Variants in REEP1 observed in about 807,000 individuals in gnomAD.
The protein encoded by REEP1 is receptor accessory protein 1.
Under a neutral mutation model 40.3 loss-of-function variants are expected in REEP1, and 22 were observed. The observed-to-expected ratio is 0.55, with a 90% confidence interval of 0.39 to 0.78. The LOEUF is 0.78. REEP1 is among the 30% of genes least tolerant of loss of function. The probability of loss-of-function intolerance (pLI) is 0.00; values close to 1 mark genes in which losing one functional copy is unlikely to be tolerated. For missense variants in REEP1, 280 were observed against 361.1 expected (o/e 0.78, Z 1.82); for synonymous variants, 116 against 139.2 (o/e 0.83, Z 1.17).
chr2:86,330,932 G>A (rs188892836), intron 1 of REEP1, among the ~76,000 whole-genome samples: 42 of 152,184 alleles, frequency 2.8e-4, no homozygotes, highest in Non-Finnish European at 5.1e-4. Context: ...CAGTCCATCC[G>A]AACAACAAAT....
chr2:86,227,772 T>G (rs965385551), intron 6 of REEP1, among the ~76,000 whole-genome samples: 1 of 152,350 alleles, frequency 6.6e-6, no homozygotes, highest in South Asian at 2.1e-4. Flanking sequence ...GACTTACCTC[T>G]GAACCCCAAA....
Position 86,232,737 on chromosome 2 carries a change from T to C in REEP1, c.483A>G (p.Gly161=), listed in dbSNP as rs373854674. 418 of 1,608,094 alleles carry C rather than the reference T, an allele frequency of 2.6e-4. No homozygotes were observed. The highest frequency in any genetic ancestry group is 3.3e-4 in the Non-Finnish European group (384 of 1,179,968). Residue 161 remains glycine, a synonymous_variant, in exon 6 of 9, where the codon GGA becomes GGG. Transcript: ENST00000538924. ...GGCCCGAGGGAGCAGGGGCGCCGTC[T>C]CCCCTGATGGTGGTGAGGTCCTGCA... ...FSMQDLTTIR[G]DGAPAPSGPP...
Position 86,214,680 on chromosome 2 carries a change from T to C in REEP1, c.*2359A>G, listed in dbSNP as rs1290313738. 1 of 152,646 alleles carries C rather than the reference T, an allele frequency of 6.6e-6. No individual in the cohort carries two copies. The highest frequency in any genetic ancestry group is 1.5e-5 in the Non-Finnish European group (1 of 68,036). 9.5% of individuals were successfully genotyped at this position (152,646 alleles called of 1,614,324 possible). A position where few individuals can be genotyped will look rare whatever the true frequency, so the allele number is the denominator to read the frequency against. ...ATACGTAAACACATTTTGCCAGAAATATGACAGCTGCTTTCAGTTGTACAG... is the reference window on the plus strand; with the variant it reads ...ATACGTAAACACATTTTGCCAGAAACATGACAGCTGCTTTCAGTTGTACAG... On this transcript the variant is annotated 3_prime_UTR_variant, in exon 9 of 9. Transcript: ENST00000538924.
At chr2:86,300,269 C>T (rs76304351) in intron 1 of REEP1, among the ~76,000 whole-genome samples, 12,020 of 152,200 alleles carry the variant, frequency 0.079, 781 homozygotes, top group African/African-American at 0.17. Context: ...CTCTCTATTT[C>T]CCATCGACAG....
chr2:86,334,375 G>A (rs2104552112), intron 1 of REEP1, among the ~76,000 whole-genome samples: 1 of 152,260 alleles, frequency 6.6e-6, no homozygotes, highest in East Asian at 1.9e-4. Context: ...ACCATGAAAA[G>A]ATTACTTATA....
At chr2:86,321,923 C>A (rs1240674625) in intron 1 of REEP1, among the ~76,000 whole-genome samples, 2 of 152,062 alleles carry the variant, frequency 1.3e-5, no homozygotes, top group Non-Finnish European at 2.9e-5. Flanking sequence ...GGAATCCTAA[C>A]CAGGGTAAAA....
chr2:86,246,225 C>G (rs1274670712), intron 5 of REEP1, among the ~76,000 whole-genome samples: 2 of 152,164 alleles, frequency 1.3e-5, no homozygotes, highest in Non-Finnish European at 2.9e-5. Context: ...AATAACAAAG[C>G]ATTGTTCTGT....
chr2:86,337,967 A>C (rs1334752306), upstream of REEP1: 5 of 1,457,022 alleles, frequency 3.4e-6, no homozygotes, highest in Non-Finnish European at 4.7e-6. This position sits in a 1 kb window ranked among gnomAD's most constrained non-coding sequence, Gnocchi z 5.8. Flanking sequence ...GCACCTGTCT[A>C]GGTGGGATGC....
In REEP1 at chr2:86,215,042, T is replaced by TGATAA. The variant is rs1202897666; in HGVS notation, c.*1996_*1997insTTATC. The TGATAA allele has an allele frequency of 4.4e-4, 66 of 150,482 alleles. No homozygotes were observed. The highest frequency in any genetic ancestry group is 9.3e-4 in the Non-Finnish European group (63 of 67,650). 9.3% of individuals were successfully genotyped at this position (150,482 alleles called of 1,614,324 possible). ...TGTAAGCTTTTTTTTTTTTTTTTTT[T>TGATAA]TTTTGCATTCGTTTCTGATAATTCT... is the stretch of plus-strand genomic sequence containing the variant. On this transcript the variant is annotated 3_prime_UTR_variant, in exon 9 of 9. Transcript: ENST00000538924.
Position 86,248,227 on chromosome 2 carries a change from A to G in REEP1, c.417+3730T>C, listed in dbSNP as rs578219021. 2.3e-4 allele frequency among the ~76,000 whole-genome samples: 35 copies of G among 152,190 alleles called. No homozygotes were observed. In the South Asian group the frequency reaches 7.1e-3, roughly 31 times the overall value. On this transcript the variant is annotated intron_variant, in intron 5 of 8. Coordinates refer to ENST00000538924, the MANE Select transcript of REEP1 (RefSeq NM_001371279.1). Reference sequence around the variant, plus strand: ...TCTTCCAGGAATGATCCTAAGGAAGAGTATTCTCACCATGCAACACTCTCT... The same window carrying G: ...TCTTCCAGGAATGATCCTAAGGAAGGGTATTCTCACCATGCAACACTCTCT...
chr2:86,308,515 A>G (rs2104477352), intron 1 of REEP1, among the ~76,000 whole-genome samples: 1 of 152,344 alleles, frequency 6.6e-6, no homozygotes, highest in East Asian at 1.9e-4. Flanking sequence ...AGGTTGCACC[A>G]CTGCACTCCA....
At chr2:86,274,455 A>G (rs1677629698) in intron 2 of REEP1, among the ~76,000 whole-genome samples, 1 of 152,244 alleles carries the variant, frequency 6.6e-6, no homozygotes, top group Non-Finnish European at 1.5e-5. Context: ...TCATGCAGAA[A>G]GAAGGATCTG....
At chr2:86,263,153 T>C (rs1280791278) in intron 3 of REEP1, among the ~76,000 whole-genome samples, 2 of 152,258 alleles carry the variant, frequency 1.3e-5, no homozygotes, top group African/African-American at 2.4e-5. Flanking sequence ...CTCTCATGTA[T>C]ACTATAATAC....
At chr2:86,320,423 C>T (rs1202871222) in intron 1 of REEP1, among the ~76,000 whole-genome samples, 1 of 152,076 alleles carries the variant, frequency 6.6e-6, no homozygotes, top group Non-Finnish European at 1.5e-5. Context: ...TAAAGAACTC[C>T]TACAGATGAA....
chr2:86,314,136 C>T (rs1415532308), intron 1 of REEP1, among the ~76,000 whole-genome samples: 1 of 152,192 alleles, frequency 6.6e-6, no homozygotes, highest in East Asian at 1.9e-4. Context: ...TCTGCAAATT[C>T]TCCCGGGAGC....
chr2:86,228,651 T>A (rs1027377305), intron 6 of REEP1, among the ~76,000 whole-genome samples: 2 of 152,022 alleles, frequency 1.3e-5, no homozygotes, highest in East Asian at 3.9e-4. Context: ...AGAGACAGGG[T>A]TTCTCTGTGT....
chr2:86,282,943 C>G (rs1230532980), intron 1 of REEP1, among the ~76,000 whole-genome samples: 1 of 152,150 alleles, frequency 6.6e-6, no homozygotes, highest in African/African-American at 2.4e-5. Context: ...ATTCTCTCCA[C>G]CATGCACTAT....
At chr2:86,246,063 C>T (rs1015346206) in intron 5 of REEP1, among the ~76,000 whole-genome samples, 2 of 152,014 alleles carry the variant, frequency 1.3e-5, no homozygotes, top group Non-Finnish European at 2.9e-5. Flanking sequence ...TGTGCCCAGC[C>T]GGTATACTCA....
intron 5 of REEP1, among the ~76,000 whole-genome samples, chr2:86,239,259 T>TAAC (rs1237167234): frequency 1.4e-5 from 1 of 70,732 alleles, no homozygotes. Context: ...AAAACAGCAA[T>TAAC]AACAGCAACA....
Sources: allele counts gnomAD v4.1 joint callset (sites outside exome capture counted in the v4.1 genomes callset), GRCh38; gene constraint gnomAD v4.1.1; non-coding constraint Gnocchi (gnomAD v3.1); transcripts MANE v1.5; gene names NCBI Gene and HGNC (gene_info 2026-07-23, HGNC 2026-07-21).